GRIA4: variants seen among roughly 807,000 people sequenced by gnomAD.
GRIA4 encodes glutamate ionotropic receptor AMPA type subunit 4, also known as glutamate receptor 4.
In GRIA4, 34 loss-of-function variants were observed where a neutral mutation model predicts 104.0. The ratio of observed to expected loss-of-function variants is 0.33; its 90% CI spans 0.25 to 0.44. The LOEUF is 0.44. Among genes scored for constraint, GRIA4 ranks in the 20% least tolerant of loss-of-function variants. The pLI is 1.00. For synonymous variants in GRIA4, 386 were observed against 381.9 expected, an observed-to-expected ratio of 1.01 and a Z score of -0.13; for missense variants, 750 against 1,096.5, an observed-to-expected ratio of 0.68 and a Z score of 4.46.
intron 4 of GRIA4, among the ~76,000 whole-genome samples, chr11:105,802,867 A>C (rs1312571732): frequency 6.6e-6 from 1 of 151,844 alleles, no homozygotes; most frequent in Non-Finnish European, 1.5e-5. Context: ...TTACATTAAG[A>C]ATATAAATAT....
chr11:105,640,237 A>G (rs1056172164), intron 3 of GRIA4, among the ~76,000 whole-genome samples: 1 of 151,934 alleles, frequency 6.6e-6, no homozygotes, highest in Non-Finnish European at 1.5e-5. Context: ...TCAAAGCCCA[A>G]AAATGCAAAA....
At chr11:105,801,892 A>T (rs538699300) in intron 4 of GRIA4, among the ~76,000 whole-genome samples, 101 of 152,276 alleles carry the variant, frequency 6.6e-4, no homozygotes, top group Middle Eastern at 3.4e-3. Flanking sequence ...AGAGTATGAC[A>T]CCTAGAGATG....
chr11:105,952,477 A>G (rs1401468302), intron 14 of GRIA4, among the ~76,000 whole-genome samples: 1 of 152,186 alleles, frequency 6.6e-6, no homozygotes, highest in Non-Finnish European at 1.5e-5. Context: ...ATTTTCATTG[A>G]TCAAACTCCC....
At chr11:105,814,144 C>T (rs1282991088) in intron 4 of GRIA4, among the ~76,000 whole-genome samples, 1 of 152,076 alleles carries the variant, frequency 6.6e-6, no homozygotes, top group African/African-American at 2.4e-5. Flanking sequence ...GAATCAAGGC[C>T]TTTAGCACAT....
chr11:105,751,633 A>C (rs1400160124), intron 3 of GRIA4, among the ~76,000 whole-genome samples: 2 of 152,144 alleles, frequency 1.3e-5, no homozygotes, highest in Non-Finnish European at 2.9e-5. Context: ...TATCAAAATA[A>C]ATGGTATTTC....
chr11:105,979,249 T>C (rs1362090731), intron 16 of GRIA4, among the ~76,000 whole-genome samples: 1 of 152,206 alleles, frequency 6.6e-6, no homozygotes, highest in Non-Finnish European at 1.5e-5. Context: ...TAAAAGAGCT[T>C]TTAAGCTCAT....
At chr11:105,738,097 G>A (rs563267789) in intron 3 of GRIA4, among the ~76,000 whole-genome samples, 23 of 150,800 alleles carry the variant, frequency 1.5e-4, no homozygotes, top group Admixed American at 7.4e-4. Context: ...AGAATACTTG[G>A]ATGGGTATCC....
rs540538282 is a variant in GRIA4, at chr11:105,851,882, T to A, written c.488-10142T>A. On this transcript the variant is annotated intron_variant, in intron 4 of 16. Coordinates refer to ENST00000282499, the MANE Select transcript of GRIA4 (RefSeq NM_000829.4). ...TATAAATGTATTTGTGTATTACTTC[T>A]TGTCTGCCTCAGCCACTGGAATGTA... 1.9e-4 allele frequency among the ~76,000 whole-genome samples: 29 copies of A among 152,334 alleles called. No individual in the cohort carries two copies. The East Asian group carries it at 5.6e-3, about 29-fold the overall frequency.
intron 5 of GRIA4, among the ~76,000 whole-genome samples, chr11:105,884,846 T>C (rs893121857): frequency 6.6e-5 from 10 of 152,228 alleles, no homozygotes; most frequent in African/African-American, 2.2e-4. Flanking sequence ...GAATTTTTAC[T>C]GATTCCACAT....
chr11:105,669,646 C>T (rs1342463976), intron 3 of GRIA4, among the ~76,000 whole-genome samples: 1 of 152,204 alleles, frequency 6.6e-6, no homozygotes, highest in East Asian at 1.9e-4. Context: ...GTGTCCCCAA[C>T]TCAGATCTGG....
At chr11:105,911,930 C>T (rs142069219) in intron 10 of GRIA4, 88 of 1,552,020 alleles carry the variant, frequency 5.7e-5, no homozygotes, top group East Asian at 5.5e-4. Context: ...AAGAGTTCCG[C>T]GCTGTTCGAC....
intron 3 of GRIA4, among the ~76,000 whole-genome samples, chr11:105,751,226 G>A (rs1939977707): frequency 6.6e-6 from 1 of 152,002 alleles, no homozygotes. Flanking sequence ...CTTGAGAGTT[G>A]GCCCTCAGTT....
chr11:105,692,834 ATACTT>A (rs972517220), intron 3 of GRIA4, among the ~76,000 whole-genome samples: 38 of 152,354 alleles, frequency 2.5e-4, no homozygotes, highest in African/African-American at 8.7e-4. Flanking sequence ...AACTCATAGT[ATACTT>A]TACTTCAGTT....
At chr11:105,660,603 T>C (rs1250679663) in intron 3 of GRIA4, among the ~76,000 whole-genome samples, 1 of 151,618 alleles carries the variant, frequency 6.6e-6, no homozygotes, top group Non-Finnish European at 1.5e-5. Flanking sequence ...TGAAGTCTCA[T>C]GATAATTTCT....
intron 4 of GRIA4, among the ~76,000 whole-genome samples, chr11:105,855,551 T>C (rs1468918665): frequency 6.6e-6 from 1 of 152,136 alleles, no homozygotes; most frequent in Non-Finnish European, 1.5e-5. Flanking sequence ...ATAATAGCTA[T>C]ATAGTAATTA....
At chr11:105,632,396 C>T (rs1951056575) in intron 3 of GRIA4, among the ~76,000 whole-genome samples, 1 of 152,140 alleles carries the variant, frequency 6.6e-6, no homozygotes, top group South Asian at 2.1e-4. Flanking sequence ...ATGTCTGTCC[C>T]CATTTTTTTC....
At chr11:105,943,830 AC>A (rs1294944641) in intron 14 of GRIA4, among the ~76,000 whole-genome samples, 2 of 152,080 alleles carry the variant, frequency 1.3e-5, no homozygotes, top group Non-Finnish European at 2.9e-5. Flanking sequence ...GCACAGCTTT[AC>A]CATCTCTGCA....
chr11:105,841,569 T>C (rs1944397273), intron 4 of GRIA4, among the ~76,000 whole-genome samples: 1 of 152,170 alleles, frequency 6.6e-6, no homozygotes, highest in African/African-American at 2.4e-5. Context: ...TTTTTTATTC[T>C]AAAATTATGT....
intron 4 of GRIA4, 36 bp downstream of exon 4, chr11:105,753,256 C>G: frequency 6.2e-7 from 1 of 1,602,394 alleles, no homozygotes; most frequent in Non-Finnish European, 8.5e-7. Flanking sequence ...GAGCAAAACT[C>G]TAATTTTCAA....
Sources: allele counts gnomAD v4.1 joint callset (sites outside exome capture counted in the v4.1 genomes callset), GRCh38; gene constraint gnomAD v4.1.1; transcripts MANE v1.5; gene names NCBI Gene and HGNC (gene_info 2026-07-23, HGNC 2026-07-21).